GPHN: variants seen among roughly 807,000 people sequenced by gnomAD.
GPHN encodes the protein gephyrin.
Under a neutral mutation model 95.5 loss-of-function variants are expected in GPHN, and 17 were observed. The ratio of observed to expected loss-of-function variants is 0.18; its 90% confidence interval spans 0.12 to 0.27. The LOEUF (loss-of-function observed/expected upper bound fraction) is 0.27. Among genes scored for constraint, GPHN ranks in the 10% least tolerant of loss-of-function variants. GPHN has a pLI of 1.00. For synonymous variants in GPHN, 320 were observed against 322.5 expected (o/e 0.99, Z 0.08); for missense variants, 660 against 978.1 (o/e 0.67, Z 4.34).
At chr14:67,177,538 G>A (rs1430482511) in intron 21 of GPHN, among the ~76,000 whole-genome samples, 1 of 152,174 alleles carries the variant, frequency 6.6e-6, no homozygotes, top group Non-Finnish European at 1.5e-5. Flanking sequence ...GTGTTGCTGA[G>A]AAGAATGTAC....
chr14:67,100,227 C>T (rs1386451671), intron 12 of GPHN, among the ~76,000 whole-genome samples: 1 of 152,114 alleles, frequency 6.6e-6, no homozygotes, highest in African/African-American at 2.4e-5. Context: ...CTAGCTCTAC[C>T]ATTAACCAGA....
intron 1 of GPHN, among the ~76,000 whole-genome samples, chr14:66,543,178 G>T (rs1320600580): frequency 6.6e-6 from 1 of 152,016 alleles, no homozygotes; most frequent in Non-Finnish European, 1.5e-5. Context: ...CCCCCTACCA[G>T]GCCCCACCCC....
chr14:67,329,788 C>T, the GPHN span, among the ~76,000 whole-genome samples: 1 of 151,816 alleles, frequency 6.6e-6, no homozygotes, highest in African/African-American at 2.4e-5. Context: ...AGGCCGAGTT[C>T]GTGCTACTGC....
chr14:66,628,226 C>A (rs569480182), intron 1 of GPHN, among the ~76,000 whole-genome samples: 2 of 152,128 alleles, frequency 1.3e-5, no homozygotes, highest in Non-Finnish European at 1.5e-5. Flanking sequence ...TACAGTCATT[C>A]ATTGCTTAAT....
the GPHN span, among the ~76,000 whole-genome samples, chr14:67,560,576 A>G: frequency 6.6e-6 from 1 of 151,994 alleles, no homozygotes; most frequent in Non-Finnish European, 1.5e-5. Flanking sequence ...TTCCCTCTCT[A>G]TCTATCCATT....
At chr14:67,116,496 C>T (rs954397989) in intron 16 of GPHN, among the ~76,000 whole-genome samples, 1 of 151,816 alleles carries the variant, frequency 6.6e-6, no homozygotes, top group African/African-American at 2.4e-5. Context: ...CCACCTGTTC[C>T]CCAAAAATCT....
chr14:67,041,438 A>G (rs923642832), intron 10 of GPHN, among the ~76,000 whole-genome samples: 1 of 151,080 alleles, frequency 6.6e-6, no homozygotes, highest in Non-Finnish European at 1.5e-5. Context: ...TCATTGTTCA[A>G]CTCCCACTTA....
the GPHN span, among the ~76,000 whole-genome samples, chr14:67,560,123 T>C: frequency 6.6e-6 from 1 of 152,046 alleles, no homozygotes; most frequent in Non-Finnish European, 1.5e-5. Flanking sequence ...GCCTCCCGGG[T>C]TCAACCGATT....
chr14:67,569,651 C>T, the GPHN span: 4 of 512,594 alleles, frequency 7.8e-6, no homozygotes, highest in South Asian at 9.5e-5. Flanking sequence ...CTCACATCTG[C>T]AACAGTGGAA....
intron 3 of GPHN, among the ~76,000 whole-genome samples, chr14:66,803,166 C>A (rs1020727116): frequency 2.0e-5 from 3 of 152,142 alleles, no homozygotes; most frequent in African/African-American, 4.8e-5. Flanking sequence ...TAGGGATGGT[C>A]AGCTGAGTTT....
intron 11 of GPHN, among the ~76,000 whole-genome samples, chr14:67,070,331 A>G (rs79998919): frequency 7.8e-6 from 1 of 128,144 alleles, no homozygotes; most frequent in Non-Finnish European, 1.8e-5. Context: ...AAATATTTTT[A>G]TATATATATA....
intron 3 of GPHN, among the ~76,000 whole-genome samples, chr14:66,814,771 A>T (rs1327040594): frequency 2.0e-5 from 3 of 152,198 alleles, no homozygotes; most frequent in Non-Finnish European, 2.9e-5. Context: ...CTTCCAGATG[A>T]CCACACCATC....
At chr14:67,276,461 T>G in the GPHN span, among the ~76,000 whole-genome samples, 2 of 152,204 alleles carry the variant, frequency 1.3e-5, no homozygotes, top group African/African-American at 4.8e-5. Context: ...TTTTGAGTGT[T>G]TCCTATCACC....
chr14:66,622,173 G>A (rs1345512333), intron 1 of GPHN, among the ~76,000 whole-genome samples: 1 of 152,078 alleles, frequency 6.6e-6, no homozygotes, highest in African/African-American at 2.4e-5. Flanking sequence ...GCACTTGCAG[G>A]CTCAACACCA....
chr14:67,200,393 G>A, the GPHN span: 1 of 588,328 alleles, frequency 1.7e-6, no homozygotes, highest in South Asian at 2.2e-5. Context: ...ACCAATCAGA[G>A]ATGCTGTAGC....
the GPHN span, among the ~76,000 whole-genome samples, chr14:67,287,035 G>A: frequency 1.3e-5 from 2 of 152,042 alleles, no homozygotes. Flanking sequence ...TTGGGTGACA[G>A]TGAAATCTTG....
chr14:67,270,690 T>A, the GPHN span: 1 of 152,016 alleles, frequency 6.6e-6, no homozygotes, highest in Non-Finnish European at 1.5e-5. Flanking sequence ...GGCTAGAGTA[T>A]TTGTGGAGTG....
intron 2 of GPHN, among the ~76,000 whole-genome samples, chr14:66,724,375 C>T (rs1305970539): frequency 6.6e-6 from 1 of 152,150 alleles, no homozygotes; most frequent in Non-Finnish European, 1.5e-5. Flanking sequence ...AAGGAGACAT[C>T]TAGCAGCTGT....
At chr14:67,029,803 G>A (rs901680245) in intron 10 of GPHN, among the ~76,000 whole-genome samples, 1 of 152,138 alleles carries the variant, frequency 6.6e-6, no homozygotes, top group African/African-American at 2.4e-5. Flanking sequence ...TTAAGAAAAT[G>A]GATGCATTTA....
Sources: allele counts gnomAD v4.1 joint callset (sites outside exome capture counted in the v4.1 genomes callset), GRCh38; gene constraint gnomAD v4.1.1; transcripts MANE v1.5; gene names NCBI Gene and HGNC (gene_info 2026-07-23, HGNC 2026-07-21).